MDGA2: variants seen among roughly 807,000 people sequenced by gnomAD.
MDGA2 encodes the protein MAM domain-containing glycosylphosphatidylinositol anchor protein 2.
In MDGA2, 40 loss-of-function variants were observed where a neutral mutation model predicts 117.8. The observed-to-expected ratio is 0.34, with a 90% confidence interval of 0.26 to 0.44. The LOEUF is 0.44. MDGA2 is among the 20% of genes least tolerant of loss of function. The pLI is 1.00. For synonymous variants in MDGA2, 452 were observed against 439.0 expected (o/e 1.03, Z -0.37); for missense variants, 1,123 against 1,250.6 (o/e 0.90, Z 1.54).
At chr14:46,921,499 C>G (rs1884128688) in intron 9 of MDGA2, among the ~76,000 whole-genome samples, 1 of 150,242 alleles carries the variant, frequency 6.7e-6, no homozygotes, top group Non-Finnish European at 1.5e-5. Flanking sequence ...GTCTCAGCTA[C>G]TCAGGAAGAC....
intron 1 of MDGA2, among the ~76,000 whole-genome samples, chr14:47,497,974 A>G (rs1276656285): frequency 6.6e-6 from 1 of 152,232 alleles, no homozygotes; most frequent in East Asian, 1.9e-4. Context: ...AAATGTTAAC[A>G]TAAGTCAATG....
At chr14:47,415,603 T>C (rs1005482706) in intron 1 of MDGA2, among the ~76,000 whole-genome samples, 4 of 152,184 alleles carry the variant, frequency 2.6e-5, no homozygotes, top group African/African-American at 2.4e-5. Context: ...AAACATAGTA[T>C]ATTACTATCT....
chr14:47,145,590 T>C (rs183810583), intron 3 of MDGA2, among the ~76,000 whole-genome samples: 287 of 152,260 alleles, frequency 1.9e-3, no homozygotes, highest in Non-Finnish European at 3.3e-3. Context: ...CATTACCACC[T>C]TCACCCAGCT....
intron 1 of MDGA2, among the ~76,000 whole-genome samples, chr14:47,519,180 G>C (rs1270754972): frequency 6.6e-6 from 1 of 152,122 alleles, no homozygotes; most frequent in East Asian, 1.9e-4. Flanking sequence ...ACTCCAGCTT[G>C]GGCGATAGAG....
At chr14:47,425,470 T>C (rs1452931512) in intron 1 of MDGA2, among the ~76,000 whole-genome samples, 1 of 152,106 alleles carries the variant, frequency 6.6e-6, no homozygotes, top group African/African-American at 2.4e-5. Flanking sequence ...AACCAGTGAT[T>C]ATGATGTCAG....
chr14:47,641,033 C>T (rs1018981278), intron 1 of MDGA2, among the ~76,000 whole-genome samples: 1 of 151,928 alleles, frequency 6.6e-6, no homozygotes, highest in Non-Finnish European at 1.5e-5. Context: ...CAAGTAGCTC[C>T]TCAATGGCAA....
chr14:47,035,161 C>T lies in MDGA2; in HGVS notation c.1669G>A (p.Asp557Asn). The part of the protein sequence containing the change: ...SRADKEVAMP[D>N]GSMQMESYDG... Reference sequence around the variant, plus strand: ...TAACTCTCCATTTGCATTGATCCATCAGGCATTGCAACTTCTTTATCCGCT... The same window carrying T: ...TAACTCTCCATTTGCATTGATCCATTAGGCATTGCAACTTCTTTATCCGCT... Residue 557 changes from aspartate to asparagine, a missense_variant, in exon 8 of 17, where the codon GAT (aspartate) becomes AAT (asparagine). By Grantham distance (23) the Asp-to-Asn change is conservative. Transcript: ENST00000399232. The T allele has an allele frequency of 1.2e-6, 2 of 1,614,150 alleles. No individual in the cohort carries two copies. Among genetic ancestry groups the T allele is most frequent in the African/African-American group, 1.3e-5 (1 of 75,040 alleles).
At chr14:47,543,922 T>C (rs965504751) in intron 1 of MDGA2, among the ~76,000 whole-genome samples, 1 of 152,214 alleles carries the variant, frequency 6.6e-6, no homozygotes, top group African/African-American at 2.4e-5. Context: ...TAGAAAGGCT[T>C]TGAGAACATG....
At chr14:46,847,161 CAGTTG>C (rs1880874042) in intron 15 of MDGA2, among the ~76,000 whole-genome samples, 1 of 151,980 alleles carries the variant, frequency 6.6e-6, no homozygotes, top group African/African-American at 2.4e-5. Context: ...CCAGAGGCAT[CAGTTG>C]TCAACTTTTG....
chr14:47,301,152 T>G (rs1338288892), intron 2 of MDGA2, among the ~76,000 whole-genome samples: 8 of 152,132 alleles, frequency 5.3e-5, no homozygotes, highest in Middle Eastern at 3.2e-3. Context: ...TCTTCTACAT[T>G]TCCCACAATA....
At chr14:47,290,654 A>G (rs1309331751) in intron 2 of MDGA2, among the ~76,000 whole-genome samples, 1 of 152,164 alleles carries the variant, frequency 6.6e-6, no homozygotes, top group African/African-American at 2.4e-5. Flanking sequence ...AACACAGGTC[A>G]GCAGCAAAGA....
intron 1 of MDGA2, among the ~76,000 whole-genome samples, chr14:47,487,789 T>G (rs754539229): frequency 2.0e-5 from 3 of 152,184 alleles, no homozygotes; most frequent in Non-Finnish European, 4.4e-5. Flanking sequence ...AAATTAACTT[T>G]TCTTTTTAGA....
intron 6 of MDGA2, among the ~76,000 whole-genome samples, chr14:47,075,398 C>G (rs531778287): frequency 1.3e-5 from 2 of 152,162 alleles, no homozygotes; most frequent in Admixed American, 1.3e-4. Flanking sequence ...TAAAGCTTTT[C>G]ATCCAGAGGG....
At chr14:47,219,612 C>T (rs961969206) in intron 2 of MDGA2, among the ~76,000 whole-genome samples, 11 of 151,722 alleles carry the variant, frequency 7.3e-5, no homozygotes, top group African/African-American at 2.2e-4. Flanking sequence ...AACATATTTG[C>T]AAAATAATGC....
rs1888800081 is a variant in MDGA2, at chr14:47,035,159, A to G, written c.1671T>C (p.Asp557=). Residue 557 remains aspartate, a synonymous_variant, in exon 8 of 17, where the codon GAT becomes GAC. Coordinates refer to ENST00000399232, the MANE Select transcript of MDGA2 (RefSeq NM_001113498.3). The part of the protein sequence containing the change: ...SRADKEVAMP[D]GSMQMESYDG... ...CATAACTCTCCATTTGCATTGATCC[A>G]TCAGGCATTGCAACTTCTTTATCCG... 2 of 1,614,148 alleles carry G rather than the reference A, an allele frequency of 1.2e-6. No individual in the cohort carries two copies. The highest frequency in any genetic ancestry group is 1.7e-6 in the Non-Finnish European group (2 of 1,180,022).
intron 9 of MDGA2, among the ~76,000 whole-genome samples, chr14:46,946,913 C>T (rs1429854462): frequency 1.3e-5 from 2 of 152,036 alleles, no homozygotes; most frequent in Non-Finnish European, 2.9e-5. Context: ...CCCTTATATC[C>T]TCATAAGACC....
At chr14:47,176,331 C>T (rs947443049) in intron 3 of MDGA2, among the ~76,000 whole-genome samples, 8 of 152,202 alleles carry the variant, frequency 5.3e-5, no homozygotes, top group South Asian at 4.1e-4. Context: ...AAAACAGAGC[C>T]GGCATTGCCA....
chr14:47,037,835 G>C (rs1888911491), intron 7 of MDGA2, among the ~76,000 whole-genome samples: 1 of 152,152 alleles, frequency 6.6e-6, no homozygotes, highest in African/African-American at 2.4e-5. Context: ...GACTAATGGA[G>C]GGTTATTACT....
rs147531087 is a variant in MDGA2 at position 47,165,421 on chromosome 14, A to G, written c.596-21147T>C. Among the ~76,000 whole-genome samples, 418 of 151,990 alleles carry G rather than the reference A, an allele frequency of 2.8e-3. 6 individuals carry two copies. The highest frequency in any genetic ancestry group is 9.3e-3 in the African/African-American group (384 of 41,472). On this transcript the variant is annotated intron_variant, in intron 3 of 16. Coordinates refer to ENST00000399232, the MANE Select transcript of MDGA2 (RefSeq NM_001113498.3). ...TTGAGGGGGAAAGAGTGGAAGTGGTATTACTTAGCCTTTCTTCCCTCTTTA... is the reference window on the plus strand; with the variant it reads ...TTGAGGGGGAAAGAGTGGAAGTGGTGTTACTTAGCCTTTCTTCCCTCTTTA...
Sources: allele counts gnomAD v4.1 joint callset (sites outside exome capture counted in the v4.1 genomes callset), GRCh38; gene constraint gnomAD v4.1.1; transcripts MANE v1.5; gene names NCBI Gene and HGNC (gene_info 2026-07-23, HGNC 2026-07-21).